VRK2: variants seen among roughly 807,000 people sequenced by gnomAD.
VRK2 encodes VRK serine/threonine kinase 2, also known as serine/threonine-protein kinase VRK2.
Under a neutral mutation model 57.6 loss-of-function variants are expected in VRK2, and 60 were observed. The ratio of observed to expected loss-of-function variants is 1.04; its 90% CI spans 0.85 to 1.29. The LOEUF (loss-of-function observed/expected upper bound fraction) is 1.29, where lower values mean the gene tolerates loss of function less well. Among genes scored for constraint, VRK2 ranks in the 50% most tolerant of loss-of-function variants. The pLI, the probability that VRK2 is intolerant of heterozygous loss-of-function variation, is 0.00. For synonymous variants in VRK2, 231 were observed against 199.2 expected, an observed-to-expected ratio of 1.16 and a Z score of -1.35; for missense variants, 705 against 588.1, an observed-to-expected ratio of 1.20 and a Z score of -2.06.
intron 1 of VRK2, among the ~76,000 whole-genome samples, chr2:57,989,709 T>C (rs1362000928): frequency 6.6e-6 from 1 of 152,206 alleles, no homozygotes; most frequent in African/African-American, 2.4e-5. Context: ...GTATAAAGTA[T>C]TCATATAATA....
chr2:58,102,310 G>T (rs1345556477), intron 7 of VRK2, among the ~76,000 whole-genome samples: 1 of 151,172 alleles, frequency 6.6e-6, no homozygotes, highest in African/African-American at 2.4e-5. Context: ...TTGCCAGAAT[G>T]GATTTTTTTT....
At chr2:58,046,943 G>A in intron 1 of VRK2, 75 bp downstream of exon 1, 1 of 985,576 alleles carries the variant, frequency 1.0e-6, no homozygotes, top group Non-Finnish European at 1.2e-6. Flanking sequence ...GGCCCCGCTC[G>A]GAAAAGGGCT....
intron 1 of VRK2, among the ~76,000 whole-genome samples, chr2:58,014,908 G>A (rs1342967500): frequency 1.3e-5 from 2 of 152,046 alleles, no homozygotes; most frequent in Admixed American, 6.5e-5. Context: ...GAACCCAAGT[G>A]GAAACTCTGC....
intron 1 of VRK2, among the ~76,000 whole-genome samples, chr2:57,941,907 G>T (rs1671106568): frequency 6.6e-6 from 1 of 152,154 alleles, no homozygotes; most frequent in Non-Finnish European, 1.5e-5. Context: ...CCTATAGTTT[G>T]CATTGTATTT....
At chr2:57,945,556 T>G (rs1222906240) in intron 1 of VRK2, among the ~76,000 whole-genome samples, 2 of 152,200 alleles carry the variant, frequency 1.3e-5, no homozygotes, top group African/African-American at 4.8e-5. Flanking sequence ...TCACTCTACT[T>G]GAAATATCTT....
chr2:58,112,209 A>G (rs886805133), intron 7 of VRK2, among the ~76,000 whole-genome samples: 1 of 152,230 alleles, frequency 6.6e-6, no homozygotes, highest in Non-Finnish European at 1.5e-5. Context: ...TGGGCAAGTT[A>G]TTTAACTGCT....
intron 2 of VRK2, among the ~76,000 whole-genome samples, chr2:58,068,110 A>T (rs746163710): frequency 1.3e-5 from 2 of 151,882 alleles, no homozygotes; most frequent in African/African-American, 2.4e-5. Flanking sequence ...TTCTATTTTT[A>T]GTAGAGATGA....
intron 10 of VRK2, among the ~76,000 whole-genome samples, chr2:58,139,071 T>C (rs1680949164): frequency 6.6e-6 from 1 of 152,110 alleles, no homozygotes. Context: ...CTCCCACTGC[T>C]CTAAAATCAA....
intron 11 of VRK2, among the ~76,000 whole-genome samples, chr2:58,144,066 C>A (rs1407959599): frequency 6.6e-6 from 1 of 150,578 alleles, no homozygotes; most frequent in African/African-American, 2.4e-5. Flanking sequence ...TATTATTCAG[C>A]CATAAAAAGG....
rs377742583 is a variant in VRK2 at position 57,955,577 on chromosome 2, G to A, written c.-439+47738G>A. 1.3e-4 allele frequency among the ~76,000 whole-genome samples: 20 copies of A among 152,142 alleles called. No homozygotes were observed. The East Asian group carries it at 2.3e-3, about 18-fold the overall frequency. The stretch of plus-strand genomic sequence containing the variant: ...ACCAGAGGTAAAACAGAATAAAACC[G>A]TTAATTTTCCCACAGAATACTAAAC... On this transcript the variant is annotated intron_variant, in intron 1 of 15. Transcript: ENST00000417641.
At chr2:57,958,517 A>C (rs1279779190) in intron 1 of VRK2, among the ~76,000 whole-genome samples, 1 of 151,894 alleles carries the variant, frequency 6.6e-6, no homozygotes, top group Admixed American at 6.6e-5. Context: ...TATATCACAT[A>C]TATATGATTG....
At chr2:57,927,030 G>GTGTGTGTGTGTGTA in intron 1 of VRK2, among the ~76,000 whole-genome samples, 1 of 151,012 alleles carries the variant, frequency 6.6e-6, no homozygotes, top group South Asian at 2.1e-4. Context: ...GTGTGTGTGT[G>GTGTGTGTGTGTGTA]TCTGTCGTAT....
At chr2:58,083,728 C>T (rs1207747960) in intron 2 of VRK2, among the ~76,000 whole-genome samples, 2 of 151,644 alleles carry the variant, frequency 1.3e-5, no homozygotes, top group Non-Finnish European at 3.0e-5. Flanking sequence ...GCTTTAATGC[C>T]ATATATCTAT....
intron 2 of VRK2, among the ~76,000 whole-genome samples, chr2:58,076,806 A>C (rs1670181005): frequency 6.6e-6 from 1 of 151,892 alleles, no homozygotes; most frequent in Non-Finnish European, 1.5e-5. Context: ...GAAATCTTGA[A>C]TATCACCTAT....
intron 2 of VRK2, among the ~76,000 whole-genome samples, chr2:58,081,284 T>C (rs1670834870): frequency 6.6e-6 from 1 of 151,836 alleles, no homozygotes; most frequent in Admixed American, 6.6e-5. Context: ...GCATAAGCAA[T>C]AAAAACTGTG....
chr2:58,046,817 G>C lies in VRK2; in HGVS notation c.-57G>C. The C allele has an allele frequency of 1.0e-6, 1 of 985,648 alleles. No homozygotes were observed. The highest frequency in any genetic ancestry group is 1.2e-6 in the Non-Finnish European group (1 of 830,106). The allele number at this position is 985,648 out of a possible 1,614,324, so 61.1% of individuals were successfully genotyped here. The stretch of plus-strand genomic sequence containing the variant: ...CCCGGGGGCTCCGCCTCGTCGCAGC[G>C]GCAGGTAGGAGGCGGTGCGCGCGGC... On this transcript the variant is annotated 5_prime_UTR_variant, in exon 1 of 13. Transcript: ENST00000340157.
At chr2:57,996,459 C>T (rs1352987758) in intron 1 of VRK2, among the ~76,000 whole-genome samples, 1 of 152,164 alleles carries the variant, frequency 6.6e-6, no homozygotes, top group Non-Finnish European at 1.5e-5. Context: ...CTAATGATTG[C>T]ACTTGTAAAT....
intron 1 of VRK2, among the ~76,000 whole-genome samples, chr2:57,942,543 A>C (rs1558505192): frequency 1.3e-5 from 2 of 150,216 alleles, no homozygotes; most frequent in African/African-American, 2.4e-5. Flanking sequence ...CAAAACAAAA[A>C]AAAAGGGGCA....
chr2:57,961,179 T>G (rs1671746508), intron 1 of VRK2, among the ~76,000 whole-genome samples: 2 of 152,222 alleles, frequency 1.3e-5, no homozygotes, highest in Admixed American at 1.3e-4. Flanking sequence ...AGAGCTGGAT[T>G]TCTATCATTA....
Sources: allele counts gnomAD v4.1 joint callset (sites outside exome capture counted in the v4.1 genomes callset), GRCh38; gene constraint gnomAD v4.1.1; transcripts MANE v1.5; gene names NCBI Gene and HGNC (gene_info 2026-07-23, HGNC 2026-07-21).